ADCY5: variants seen among roughly 807,000 people sequenced by gnomAD.
The protein encoded by ADCY5 is adenylate cyclase 5.
Under a neutral mutation model 119.7 loss-of-function variants are expected in ADCY5, and 30 were observed. That is an observed-to-expected ratio of 0.25 (90% CI 0.19 to 0.34). The LOEUF is 0.34. ADCY5 is among the 10% of genes least tolerant of loss of function. ADCY5 has a pLI of 1.00. For synonymous variants in ADCY5, 753 were observed against 762.2 expected (o/e 0.99, Z 0.20); for missense variants, 1,324 against 1,775.2 (o/e 0.75, Z 4.57).
intron 17 of ADCY5, among the ~76,000 whole-genome samples, chr3:123,294,962 G>A (rs1315095540): frequency 6.6e-6 from 1 of 152,104 alleles, no homozygotes; most frequent in Non-Finnish European, 1.5e-5. Context: ...CCTGACAAGG[G>A]GCAGGCTCAC....
intron 1 of ADCY5, among the ~76,000 whole-genome samples, chr3:123,424,772 A>G (rs1199439692): frequency 1.3e-5 from 2 of 152,084 alleles, no homozygotes; most frequent in Non-Finnish European, 2.9e-5. Context: ...GTGTGCGCGC[A>G]TGCACGCACG....
intron 16 of ADCY5, 160 bp downstream of exon 16, chr3:123,297,193 C>T: frequency 1.5e-6 from 2 of 1,342,370 alleles, no homozygotes; most frequent in Non-Finnish European, 2.1e-6. Context: ...CCCGAGGACG[C>T]CTTGCTACCC....
chr3:123,433,250 C>T (rs907654386), intron 1 of ADCY5, among the ~76,000 whole-genome samples: 1 of 152,226 alleles, frequency 6.6e-6, no homozygotes, highest in Non-Finnish European at 1.5e-5. Context: ...TCACCCAGGA[C>T]TCAGCTCAGG....
chr3:123,399,520 T>C (rs575645857), intron 1 of ADCY5, among the ~76,000 whole-genome samples: 4 of 152,348 alleles, frequency 2.6e-5, no homozygotes, highest in African/African-American at 9.6e-5. Flanking sequence ...TTATTTTTTT[T>C]TTACTGTGGT....
chr3:123,353,823 A>G (rs1942939338), intron 1 of ADCY5, among the ~76,000 whole-genome samples: 1 of 152,116 alleles, frequency 6.6e-6, no homozygotes, highest in Non-Finnish European at 1.5e-5. Flanking sequence ...TGCCCACCAC[A>G]GCTTTGCGAT....
chr3:123,393,081 GC>G (rs1232433080), intron 1 of ADCY5, among the ~76,000 whole-genome samples: 1 of 152,128 alleles, frequency 6.6e-6, no homozygotes, highest in South Asian at 2.1e-4. Flanking sequence ...AGGCACAGAG[GC>G]CCATGTTCCT....
intron 1 of ADCY5, among the ~76,000 whole-genome samples, chr3:123,357,625 G>A (rs1295012807): frequency 6.6e-6 from 1 of 152,152 alleles, no homozygotes; most frequent in Non-Finnish European, 1.5e-5. Context: ...TGTGGTTTGA[G>A]GGTGGGGTCT....
At chr3:123,400,222 C>G (rs1427844080) in intron 1 of ADCY5, among the ~76,000 whole-genome samples, 2 of 152,090 alleles carry the variant, frequency 1.3e-5, no homozygotes, top group Non-Finnish European at 2.9e-5. Context: ...AACTGCATGC[C>G]CTTGGATCAC....
chr3:123,346,635 CTCTCTCTG>C (rs1253853323), intron 3 of ADCY5, among the ~76,000 whole-genome samples: 3 of 112,034 alleles, frequency 2.7e-5, no homozygotes, highest in East Asian at 2.4e-4. Flanking sequence ...CTCTCTCTCT[CTCTCTCTG>C]TGTGTATGTG....
chr3:123,302,920 TG>T, intron 14 of ADCY5, 134 bp downstream of exon 14: 3 of 1,024,904 alleles, frequency 2.9e-6, no homozygotes, highest in Non-Finnish European at 4.3e-6. Context: ...TGAGAGATAC[TG>T]GGGTAAGCAG....
intron 7 of ADCY5, 131 bp downstream of exon 7, chr3:123,327,487 G>A (rs1042717441): frequency 1.1e-5 from 11 of 998,352 alleles, no homozygotes; most frequent in Admixed American, 9.1e-5. Flanking sequence ...TCCTTTTTAA[G>A]ATGCAGGAAC....
chr3:123,373,758 G>GCCT (rs1943718682), intron 1 of ADCY5, among the ~76,000 whole-genome samples: 27 of 37,064 alleles, frequency 7.3e-4, no homozygotes, highest in African/African-American at 1.9e-3. Flanking sequence ...GAAGCATCAC[G>GCCT]CCCCCCCCCC....
rs1246650535 is a variant in ADCY5 at position 123,448,747 on chromosome 3, C to G, written c.-202G>C. 3 of 423,072 alleles carry G rather than the reference C, an allele frequency of 7.1e-6. No homozygotes were observed. Among genetic ancestry groups the G allele is most frequent in the Non-Finnish European group, 8.0e-6 (2 of 249,852 alleles). 26.2% of individuals were successfully genotyped at this position (423,072 alleles called of 1,614,324 possible). A position where few individuals can be genotyped will look rare whatever the true frequency, so the allele number is the denominator to read the frequency against. ...GGCACAGCCCCGAGGTGAGAAGTAG[C>G]TGAGGATCCGCGTCAGAAGTCCCAG... On this transcript the variant is annotated 5_prime_UTR_variant, in exon 1 of 21. Transcript: ENST00000462833.
intron 12 of ADCY5, among the ~76,000 whole-genome samples, chr3:123,313,893 T>C (rs1167845660): frequency 6.6e-6 from 1 of 152,190 alleles, no homozygotes; most frequent in Non-Finnish European, 1.5e-5. Context: ...TCAGCAAATA[T>C]TCACTGGGCA....
chr3:123,428,604 GTGA>G (rs1240241529), intron 1 of ADCY5, among the ~76,000 whole-genome samples: 7 of 152,172 alleles, frequency 4.6e-5, no homozygotes, highest in Non-Finnish European at 8.8e-5. Context: ...TCCTGGTGCA[GTGA>G]ACATAGAAAC....
rs1216199397 is a variant in ADCY5, at chr3:123,298,811, A to T, written c.2900+1309T>A. 2.1e-5 allele frequency among the ~76,000 whole-genome samples: 3 copies of T among 142,216 alleles called. No individual in the cohort carries two copies. The East Asian group carries it at 6.2e-4, about 30-fold the overall frequency. The allele number at this position is 142,216 out of a possible 152,430, so 93.3% of individuals were successfully genotyped here. A position where few individuals can be genotyped will look rare whatever the true frequency, so the allele number is the denominator to read the frequency against. The stretch of plus-strand genomic sequence containing the variant: ...AAGGTACAGTTTGCTGCATTTTCTC[A>T]GGGGACACAAAACTGTCACTTTTTT... On this transcript the variant is annotated intron_variant, in intron 15 of 20. Coordinates refer to ENST00000462833, the MANE Select transcript of ADCY5 (RefSeq NM_183357.3).
intron 8 of ADCY5, among the ~76,000 whole-genome samples, chr3:123,323,188 C>T (rs1941309666): frequency 6.6e-6 from 1 of 152,216 alleles, no homozygotes; most frequent in Non-Finnish European, 1.5e-5. Context: ...CCCTGTTCTT[C>T]CACACTCCTT....
At chr3:123,438,376 C>T (rs1234979096) in intron 1 of ADCY5, among the ~76,000 whole-genome samples, 1 of 152,184 alleles carries the variant, frequency 6.6e-6, no homozygotes, top group Admixed American at 6.5e-5. Context: ...AATAGTCCCC[C>T]TCTAACCTCA....
At chr3:123,443,882 G>C (rs1261048611) in intron 1 of ADCY5, among the ~76,000 whole-genome samples, 2 of 152,162 alleles carry the variant, frequency 1.3e-5, no homozygotes, top group Non-Finnish European at 2.9e-5. Context: ...TTTTCAAAGA[G>C]CTCTTCCATC....
Sources: allele counts gnomAD v4.1 joint callset (sites outside exome capture counted in the v4.1 genomes callset), GRCh38; gene constraint gnomAD v4.1.1; transcripts MANE v1.5; gene names NCBI Gene and HGNC (gene_info 2026-07-23, HGNC 2026-07-21).